ARMH4: variants seen among roughly 807,000 people sequenced by gnomAD.
ARMH4 encodes the protein armadillo-like helical domain-containing protein 4.
A neutral mutation model predicts 61.9 loss-of-function variants in ARMH4; 49 were observed. The ratio of observed to expected loss-of-function variants is 0.79; its 90% confidence interval spans 0.63 to 1.00. The LOEUF is 1.00. Among genes scored for constraint, ARMH4 ranks in the 50% least tolerant of loss-of-function variants. ARMH4 has a pLI of 0.00. For missense variants in ARMH4, 934 were observed against 930.0 expected (o/e 1.00, Z -0.06); for synonymous variants, 368 against 341.5 (o/e 1.08, Z -0.85).
At chr14:58,069,250 GTACGTTCATT>G (rs1287156454) in intron 5 of ARMH4, among the ~76,000 whole-genome samples, 1 of 152,158 alleles carries the variant, frequency 6.6e-6, no homozygotes, top group Non-Finnish European at 1.5e-5. Context: ...TGTATGCAGA[GTACGTTCATT>G]CATTTATTTT....
rs375451865 is a variant in ARMH4 at position 58,112,286 on chromosome 14, C to CTTTT, written c.1832-15309_1832-15306dup. Among the ~76,000 whole-genome samples the CTTTT allele has an allele frequency of 5.9e-3, 789 of 133,326 alleles. 11 individuals carry two copies. Among genetic ancestry groups the CTTTT allele is most frequent in the African/African-American group, 0.021 (752 of 35,648 alleles). 87.5% of individuals were successfully genotyped at this position (133,326 alleles called of 152,430 possible). Reference sequence around the variant, plus strand: ...TCCACTTTTTCTGTGCTTAATTTTTCTTTTTTTTTTTTTTGGCTTTTTTTC... The same window carrying CTTTT: ...TCCACTTTTTCTGTGCTTAATTTTTCTTTTTTTTTTTTTTTTTTGGCTTTTTTTC... On this transcript the variant is annotated intron_variant, in intron 4 of 7. Transcript: ENST00000267485.
intron 5 of ARMH4, among the ~76,000 whole-genome samples, chr14:58,032,820 A>G (rs1883303602): frequency 6.6e-6 from 1 of 152,190 alleles, no homozygotes; most frequent in Non-Finnish European, 1.5e-5. Context: ...GGTCACTCCC[A>G]CCTGAATATT....
rs1006810349 is a variant in ARMH4, at chr14:58,097,161, G to C, written c.1832-180C>G. ...GATTATACACCCACCATATGTCCTAGAGTTTAAACTTTCAAAACCATAGTT... is the reference window on the plus strand; with the variant it reads ...GATTATACACCCACCATATGTCCTACAGTTTAAACTTTCAAAACCATAGTT... On this transcript the variant is annotated intron_variant, in intron 4 of 7. Transcript: ENST00000267485. 6.6e-5 allele frequency among the ~76,000 whole-genome samples: 10 copies of C among 152,184 alleles called. No homozygotes were observed. The East Asian group carries it at 1.7e-3, about 26-fold the overall frequency.
chr14:58,106,743 T>C (rs921888827), intron 4 of ARMH4, among the ~76,000 whole-genome samples: 2 of 152,166 alleles, frequency 1.3e-5, no homozygotes, highest in Non-Finnish European at 2.9e-5. Context: ...ACTTACATTG[T>C]TAGCTAACAG....
chr14:58,062,357 A>C (rs1048676613), intron 5 of ARMH4, among the ~76,000 whole-genome samples: 5 of 152,182 alleles, frequency 3.3e-5, no homozygotes. Context: ...CAAATAAAGA[A>C]GAGCAAAGCT....
At chr14:58,075,518 C>G (rs1885017345) in intron 5 of ARMH4, among the ~76,000 whole-genome samples, 1 of 152,122 alleles carries the variant, frequency 6.6e-6, no homozygotes, top group Non-Finnish European at 1.5e-5. Context: ...AAACCAAACA[C>G]CACATGTTCT....
chr14:58,014,028 A>AAAAGAAAGAAAGAAAGAAAGAAAG (rs34882144), intron 5 of ARMH4, among the ~76,000 whole-genome samples: 11 of 150,338 alleles, frequency 7.3e-5, no homozygotes, highest in African/African-American at 2.7e-4. Flanking sequence ...CATCTCAAAA[A>AAAAGAAAGAAAGAAAGAAAGAAAG]AAAGAAAGAA....
At chr14:58,129,796 T>C (rs978242896) in intron 4 of ARMH4, among the ~76,000 whole-genome samples, 4 of 152,234 alleles carry the variant, frequency 2.6e-5, no homozygotes, top group Non-Finnish European at 4.4e-5. Context: ...AAAAATGTGC[T>C]AATTCAAAAT....
chr14:58,118,554 A>G (rs1056399452), intron 4 of ARMH4, among the ~76,000 whole-genome samples: 6 of 148,122 alleles, frequency 4.1e-5, no homozygotes, highest in African/African-American at 1.0e-4. Context: ...ACATAGGGGG[A>G]AAAAAAAAAG....
chr14:58,083,785 A>G (rs959806406), intron 5 of ARMH4, among the ~76,000 whole-genome samples: 2 of 152,224 alleles, frequency 1.3e-5, no homozygotes, highest in African/African-American at 2.4e-5. Context: ...GCTGACTGGA[A>G]AAAGTCAGTC....
chr14:58,118,508 G>A (rs1886608594), intron 4 of ARMH4, among the ~76,000 whole-genome samples: 2 of 150,042 alleles, frequency 1.3e-5, no homozygotes, highest in Admixed American at 6.7e-5. Context: ...ATGCGGGGGC[G>A]GGGGTGGGGA....
At chr14:58,023,046 T>C (rs892391077) in intron 5 of ARMH4, among the ~76,000 whole-genome samples, 16 of 152,206 alleles carry the variant, frequency 1.1e-4, no homozygotes, top group Non-Finnish European at 5.9e-5. Flanking sequence ...TCACAGACTA[T>C]TTTTGCTGGA....
intron 5 of ARMH4, among the ~76,000 whole-genome samples, chr14:58,057,519 G>A (rs1209543147): frequency 1.3e-5 from 2 of 152,102 alleles, no homozygotes; most frequent in East Asian, 3.9e-4. Flanking sequence ...AGCTCAAAAG[G>A]TGGTACTCTT....
At chr14:58,053,364 C>G (rs912785257) in intron 5 of ARMH4, among the ~76,000 whole-genome samples, 1 of 152,354 alleles carries the variant, frequency 6.6e-6, no homozygotes. Flanking sequence ...TCACCCTGCA[C>G]AGCAGGGTCT....
chr14:58,131,334 C>T, intron 4 of ARMH4, 178 bp downstream of exon 4: 1 of 499,374 alleles, frequency 2.0e-6, no homozygotes, highest in Non-Finnish European at 3.5e-6. Flanking sequence ...AAAAACCATT[C>T]TTAGCTTACA....
At chr14:58,136,015 G>A (rs1387872059) in intron 2 of ARMH4, among the ~76,000 whole-genome samples, 1 of 152,000 alleles carries the variant, frequency 6.6e-6, no homozygotes, top group Non-Finnish European at 1.5e-5. Context: ...TTTAGAAGTT[G>A]TTTGATTGAC....
At chr14:58,086,795 G>A (rs1486682880) in intron 5 of ARMH4, among the ~76,000 whole-genome samples, 1 of 152,132 alleles carries the variant, frequency 6.6e-6, no homozygotes. Flanking sequence ...ATGACTGGAA[G>A]AATTTCAAAA....
At chr14:58,049,296 C>T (rs1241553494) in intron 5 of ARMH4, among the ~76,000 whole-genome samples, 1 of 151,186 alleles carries the variant, frequency 6.6e-6, no homozygotes, top group East Asian at 1.9e-4. Flanking sequence ...ATAGATGATT[C>T]ACTGCTGCAA....
chr14:58,057,345 T>C (rs1262927801), intron 5 of ARMH4, among the ~76,000 whole-genome samples: 4 of 152,216 alleles, frequency 2.6e-5, no homozygotes. Context: ...ACTACGCAAT[T>C]TGTTAAGCAG....
Sources: allele counts gnomAD v4.1 joint callset (sites outside exome capture counted in the v4.1 genomes callset), GRCh38; gene constraint gnomAD v4.1.1; transcripts MANE v1.5; gene names NCBI Gene and HGNC (gene_info 2026-07-23, HGNC 2026-07-21).